Variants in DENND5A observed in about 807,000 individuals in gnomAD.
The protein encoded by DENND5A is DENN domain containing 5A, also known as DENN domain-containing protein 5A.
In DENND5A, 64 loss-of-function variants were observed where a neutral mutation model predicts 140.3. The ratio of observed to expected loss-of-function variants is 0.46; its 90% CI spans 0.37 to 0.56. The LOEUF (loss-of-function observed/expected upper bound fraction) is 0.56, where lower values mean the gene tolerates loss of function less well. DENND5A is among the 20% of genes least tolerant of loss of function. The probability of loss-of-function intolerance (pLI) is 0.00; values close to 1 mark genes in which losing one functional copy is unlikely to be tolerated. For missense variants in DENND5A, 1,292 were observed against 1,593.8 expected, an observed-to-expected ratio of 0.81 and a Z score of 3.22; for synonymous variants, 605 against 607.7, an observed-to-expected ratio of 1.00 and a Z score of 0.07.
At chr11:9,160,452 T>C (rs888732115) in intron 12 of DENND5A, among the ~76,000 whole-genome samples, 1 of 152,252 alleles carries the variant, frequency 6.6e-6, no homozygotes, top group Non-Finnish European at 1.5e-5. Context: ...AAACAGGACC[T>C]ATCAGGTTGG....
At chr11:9,254,143 C>T (rs898358118) in intron 1 of DENND5A, among the ~76,000 whole-genome samples, 5 of 125,978 alleles carry the variant, frequency 4.0e-5, no homozygotes, top group African/African-American at 1.6e-4. Context: ...GCAACAAGAG[C>T]GAAACTCTGT....
At position 9,142,066 on chromosome 11, in the gene DENND5A, A is replaced by C. The variant is rs534189101; in HGVS notation, c.3554T>G (p.Val1185Gly). 7 of 1,603,524 alleles carry C rather than the reference A, an allele frequency of 4.4e-6. No homozygotes were observed. In the South Asian group the frequency reaches 6.8e-5, roughly 16 times the overall value. The change falls in exon 22 of 23, where the codon GTA becomes GGA. Residue 1185 changes from valine to glycine, a missense_variant. Val to Gly is a moderately radical substitution (Grantham distance 109). Coordinates refer to ENST00000328194, the MANE Select transcript of DENND5A (RefSeq NM_015213.4). ...TGTATGCCAGTTTTCCTCAGGGACT[A>C]CTTCATTCTTCTCTAATGTCTCATA... ...TYYETLEKNE[V>G]VPEENWHTRA...
At chr11:9,215,009 G>A (rs933162892) in intron 1 of DENND5A, among the ~76,000 whole-genome samples, 4 of 152,150 alleles carry the variant, frequency 2.6e-5, no homozygotes, top group African/African-American at 9.7e-5. Context: ...TTACAGGCAT[G>A]AGTCACCGCA....
chr11:9,227,129 T>C (rs1168803749), intron 1 of DENND5A, among the ~76,000 whole-genome samples: 1 of 151,720 alleles, frequency 6.6e-6, no homozygotes, highest in Non-Finnish European at 1.5e-5. Context: ...GATCACGCCA[T>C]TGTACTCCAG....
At chr11:9,204,567 A>G (rs562197040) in intron 3 of DENND5A, among the ~76,000 whole-genome samples, 1 of 152,176 alleles carries the variant, frequency 6.6e-6, no homozygotes, top group Non-Finnish European at 1.5e-5. Context: ...ATATCAGAAA[A>G]AGCTACAAAA....
rs775795514 is a variant in DENND5A, at chr11:9,144,192, G to A, written c.3209C>T (p.Pro1070Leu). 6.2e-7 allele frequency: 1 copy of A among 1,614,188 alleles called. No homozygotes were observed. The highest frequency in any genetic ancestry group is 1.1e-5 in the South Asian group (1 of 91,086). Residue 1070 changes from proline to leucine, a missense_variant, in exon 19 of 23, where the codon CCT becomes CTT. By Grantham distance (98) the Pro-to-Leu change is moderately conservative. This residue lies in a region of DENND5A where 498 missense variants were observed against 689.7 expected (regional missense o/e 0.72). Transcript: ENST00000328194. Reference protein sequence around the residue: ...ILVGELLTSQPEVDERPCRTP... With the variant: ...ILVGELLTSQLEVDERPCRTP... ...CCGGCATGGCCTCTCATCCACCTCA[G>A]GCTGGGATGTGAGCAGCTCCCCAAC...
At chr11:9,229,654 C>T (rs961253471) in intron 1 of DENND5A, among the ~76,000 whole-genome samples, 3 of 152,094 alleles carry the variant, frequency 2.0e-5, no homozygotes, top group African/African-American at 4.8e-5. Context: ...CCTTGAAGAC[C>T]CTCAGCTCCA....
chr11:9,177,552 G>C (rs1350243986), intron 8 of DENND5A, among the ~76,000 whole-genome samples: 3 of 151,778 alleles, frequency 2.0e-5, no homozygotes. Context: ...TTGCTTGGGA[G>C]GCTGAGGCAA....
At chr11:9,191,037 C>T (rs1420856882) in intron 5 of DENND5A, among the ~76,000 whole-genome samples, 2 of 152,014 alleles carry the variant, frequency 1.3e-5, no homozygotes, top group Non-Finnish European at 2.9e-5. Flanking sequence ...ACTCTGAAAC[C>T]CAAGAACCAC....
intron 11 of DENND5A, among the ~76,000 whole-genome samples, chr11:9,161,942 T>C (rs1270149087): frequency 6.6e-6 from 1 of 150,982 alleles, no homozygotes; most frequent in Non-Finnish European, 1.5e-5. Flanking sequence ...TATATATATA[T>C]ATATTGTCCA....
intron 22 of DENND5A, chr11:9,140,249 C>T: frequency 1.6e-6 from 2 of 1,289,256 alleles, no homozygotes; most frequent in African/African-American, 1.5e-5. Context: ...CATGATAACC[C>T]TGTGATATGA....
chr11:9,163,803 CAAA>C (rs569894796), intron 11 of DENND5A, among the ~76,000 whole-genome samples: 2 of 46,214 alleles, frequency 4.3e-5, no homozygotes, highest in Non-Finnish European at 9.0e-5. Flanking sequence ...GACTCCATCT[CAAA>C]AAAAAAAAAA....
intron 4 of DENND5A, among the ~76,000 whole-genome samples, chr11:9,194,190 A>T (rs956952484): frequency 6.6e-6 from 1 of 152,068 alleles, no homozygotes; most frequent in Non-Finnish European, 1.5e-5. Flanking sequence ...GGTTTTCCAC[A>T]CTAGCCAAGT....
intron 1 of DENND5A, among the ~76,000 whole-genome samples, chr11:9,218,931 G>A (rs1466491183): frequency 1.3e-5 from 2 of 151,976 alleles, no homozygotes; most frequent in Non-Finnish European, 1.5e-5. Flanking sequence ...GCTTGAACCC[G>A]GGAGGTGGAG....
intron 1 of DENND5A, among the ~76,000 whole-genome samples, chr11:9,249,940 G>C (rs1263669497): frequency 6.6e-6 from 1 of 151,450 alleles, no homozygotes; most frequent in Non-Finnish European, 1.5e-5. Flanking sequence ...TCCTACCTCA[G>C]CTTCCCAAAG....
At chr11:9,205,344 C>A (rs1309549727) in intron 3 of DENND5A, among the ~76,000 whole-genome samples, 2 of 152,074 alleles carry the variant, frequency 1.3e-5, no homozygotes, top group African/African-American at 4.8e-5. Context: ...ATATGATATC[C>A]TGGGTTAACA....
chr11:9,241,748 C>T (rs985326861), intron 1 of DENND5A, among the ~76,000 whole-genome samples: 2 of 152,146 alleles, frequency 1.3e-5, no homozygotes, highest in Admixed American at 1.3e-4. Flanking sequence ...GGCGCGGTGG[C>T]TCACGCCTGT....
At position 9,249,895 on chromosome 11, in the gene DENND5A, C is replaced by T. The variant is rs112315092; in HGVS notation, c.109+15066G>A. 2.4e-3 allele frequency among the ~76,000 whole-genome samples: 359 copies of T among 152,046 alleles called. 2 individuals carry two copies. The highest frequency in any genetic ancestry group is 8.1e-3 in the African/African-American group (335 of 41,488). On this transcript the variant is annotated intron_variant, in intron 1 of 22. Transcript: ENST00000328194. ...AGAGACAGTGTTGCACTACGTTGCC[C>T]GGGCTAGCCTCAAACTCCTGAGTTC...
intron 4 of DENND5A, among the ~76,000 whole-genome samples, chr11:9,197,176 G>A (rs1849358019): frequency 6.6e-6 from 1 of 151,080 alleles, no homozygotes; most frequent in South Asian, 2.1e-4. Context: ...ATGGTGGCAC[G>A]TGCCTGTAAT....
Sources: gnomAD v4.1 joint callset for allele counts (sites outside exome capture counted in the v4.1 genomes callset) on GRCh38, gnomAD v4.1.1 for gene constraint, gnomAD v4.1.1 regional missense constraint, MANE v1.5 for transcripts, NCBI Gene and HGNC (gene_info 2026-07-23, HGNC 2026-07-21) for gene names.